DAB1: variants seen among roughly 807,000 people sequenced by gnomAD.
DAB1 encodes DAB adaptor protein 1.
DAB1 carries 15 observed loss-of-function variants against 64.6 expected under a neutral mutation model. That is an observed-to-expected ratio of 0.23 (90% CI 0.16 to 0.36). The LOEUF is 0.36. Ranked by LOEUF, DAB1 falls within the 10% of genes least tolerant of loss-of-function variation. The probability of loss-of-function intolerance (pLI) is 1.00; values close to 1 mark genes in which losing one functional copy is unlikely to be tolerated. For missense variants in DAB1, 596 were observed against 706.7 expected (o/e 0.84, Z 1.78); for synonymous variants, 235 against 251.9 (o/e 0.93, Z 0.64).
intron 7 of DAB1, among the ~76,000 whole-genome samples, chr1:57,485,534 C>T (rs373214793): frequency 6.6e-6 from 1 of 152,118 alleles, no homozygotes; most frequent in South Asian, 2.1e-4. Flanking sequence ...CACTGCCAAC[C>T]TTTTCTATCC....
At chr1:58,066,162 A>C (rs1648842408) in intron 5 of DAB1, among the ~76,000 whole-genome samples, 8 of 152,230 alleles carry the variant, frequency 5.3e-5, no homozygotes, top group Admixed American at 4.6e-4. Flanking sequence ...AGCAGCCTAC[A>C]CAGGGGGACA....
intron 6 of DAB1, among the ~76,000 whole-genome samples, chr1:57,766,613 GCACCAAATGTATGGGTGTTTCCCTCA>G (rs1468185547): frequency 1.3e-5 from 2 of 152,020 alleles, no homozygotes; most frequent in African/African-American, 4.8e-5. Flanking sequence ...AACACTTCTG[GCACCAAATGTATGGGTGTTTCCCTCA>G]CACCAACCAT....
At chr1:58,052,727 A>G (rs1003618640) in intron 5 of DAB1, among the ~76,000 whole-genome samples, 3 of 152,156 alleles carry the variant, frequency 2.0e-5, no homozygotes, top group Non-Finnish European at 4.4e-5. Context: ...TTCATTGAGC[A>G]GTGGTTTGTA....
intron 3 of DAB1, among the ~76,000 whole-genome samples, chr1:58,400,186 C>CAG (rs1236661364): frequency 6.6e-6 from 1 of 151,482 alleles, no homozygotes; most frequent in African/African-American, 2.4e-5. Context: ...TTTCTCTCAA[C>CAG]AGAAACCAGC....
At chr1:57,318,547 T>C (rs1675413766) in intron 1 of DAB1, among the ~76,000 whole-genome samples, 1 of 152,044 alleles carries the variant, frequency 6.6e-6, no homozygotes, top group African/African-American at 2.4e-5. Flanking sequence ...CACTCGCTAG[T>C]TCCCTGCTGC....
At chr1:57,995,579 C>T (rs182417468) in intron 5 of DAB1, among the ~76,000 whole-genome samples, 4 of 152,196 alleles carry the variant, frequency 2.6e-5, no homozygotes, top group Admixed American at 1.3e-4. Context: ...CATTAATCCT[C>T]AATAAATACA....
chr1:58,218,139 G>T lies in DAB1; in HGVS notation n.310-67551C>A, dbSNP rs1055164072. Among the ~76,000 whole-genome samples the T allele has an allele frequency of 2.5e-4, 38 of 152,178 alleles. 1 individual carries two copies. The highest frequency in any genetic ancestry group is 5.9e-5 in the Non-Finnish European group (4 of 68,026). Reference sequence around the variant, plus strand: ...TGCCTTCTGGGTGAGCTGGTCTCCAGTCCAGTAGGGGGACAGAGAGAAAGG... The same window carrying T: ...TGCCTTCTGGGTGAGCTGGTCTCCATTCCAGTAGGGGGACAGAGAGAAAGG... On this transcript the variant is annotated intron_variant and non_coding_transcript_variant, in intron 4 of 20. Coordinates refer to the DAB1 transcript ENST00000485760.
At chr1:58,223,741 G>A (rs60771543) in intron 4 of DAB1, among the ~76,000 whole-genome samples, 1 of 152,144 alleles carries the variant, frequency 6.6e-6, no homozygotes, top group East Asian at 1.9e-4. Context: ...GCAAAGAACA[G>A]ACCCCATGGG....
chr1:57,941,481 C>T (rs1011407749), intron 5 of DAB1, among the ~76,000 whole-genome samples: 7 of 152,184 alleles, frequency 4.6e-5, no homozygotes, highest in African/African-American at 1.2e-4. Context: ...GAATGTGAAA[C>T]ATGGTAGAAA....
intron 1 of DAB1, among the ~76,000 whole-genome samples, chr1:57,423,089 C>T (rs1369947266): frequency 1.3e-5 from 2 of 151,842 alleles, no homozygotes; most frequent in East Asian, 1.9e-4. Flanking sequence ...GTTCTCTCGG[C>T]GGTTGACACC....
chr1:58,039,818 T>G (rs1469823723), intron 5 of DAB1, among the ~76,000 whole-genome samples: 2 of 152,188 alleles, frequency 1.3e-5, no homozygotes, highest in Non-Finnish European at 2.9e-5. Flanking sequence ...GTACCCATCT[T>G]AATAATTTAT....
At chr1:57,244,999 G>A (rs539340943) in intron 2 of DAB1, among the ~76,000 whole-genome samples, 1 of 152,326 alleles carries the variant, frequency 6.6e-6, no homozygotes, top group South Asian at 2.1e-4. Context: ...AGGGGTAGAG[G>A]TTGGAACAGT....
intron 2 of DAB1, among the ~76,000 whole-genome samples, chr1:57,240,974 G>A (rs1668453721): frequency 6.6e-6 from 1 of 152,046 alleles, no homozygotes; most frequent in African/African-American, 2.4e-5. Context: ...ATGCATATCT[G>A]CTCATATGAA....
intron 2 of DAB1, among the ~76,000 whole-genome samples, chr1:57,246,257 C>T (rs1410250292): frequency 1.5e-3 from 224 of 152,306 alleles, no homozygotes; most frequent in African/African-American, 5.3e-3. Context: ...CAAGAACCTA[C>T]CACCCGCTGC....
chr1:57,441,249 CTTT>C (rs1685931241), intron 7 of DAB1, among the ~76,000 whole-genome samples: 34 of 146,230 alleles, frequency 2.3e-4, no homozygotes, highest in Admixed American at 2.1e-3. Flanking sequence ...ACAATCTTTT[CTTT>C]TCTTTTCTTT....
intron 4 of DAB1, among the ~76,000 whole-genome samples, chr1:58,300,086 G>A (rs1052127762): frequency 6.6e-6 from 1 of 152,160 alleles, no homozygotes; most frequent in Non-Finnish European, 1.5e-5. Flanking sequence ...GTAGATTTAG[G>A]CAAAAACGTG....
At chr1:57,825,625 ATTC>A (rs1652315435), downstream of DAB1, among the ~76,000 whole-genome samples, 1 of 152,352 alleles carries the variant, frequency 6.6e-6, no homozygotes, top group South Asian at 2.1e-4. Flanking sequence ...CAGACCCTTT[ATTC>A]TTCATTCATT....
intron 4 of DAB1, among the ~76,000 whole-genome samples, chr1:58,296,444 C>T (rs981590781): frequency 4.6e-5 from 7 of 152,076 alleles, no homozygotes; most frequent in African/African-American, 1.4e-4. Context: ...TAGGCAGCTG[C>T]GGGTGGTTGG....
chr1:58,487,341 T>G (rs1254407087), intron 3 of DAB1, among the ~76,000 whole-genome samples: 2 of 152,264 alleles, frequency 1.3e-5, no homozygotes, highest in Non-Finnish European at 2.9e-5. Context: ...CTCATGCATT[T>G]GAGGATAATT....
Sources: gnomAD v4.1 joint callset for allele counts (sites outside exome capture counted in the v4.1 genomes callset) on GRCh38, gnomAD v4.1.1 for gene constraint, MANE v1.5 for transcripts, NCBI Gene and HGNC (gene_info 2026-07-23, HGNC 2026-07-21) for gene names.